The following SPECC1L variants were observed in gnomAD, a reference collection of about 807,000 sequenced individuals.
SPECC1L encodes sperm antigen with calponin homology and coiled-coil domains 1 like.
SPECC1L carries 40 observed loss-of-function variants against 116.8 expected under a neutral mutation model. The ratio of observed to expected loss-of-function variants is 0.34; its 90% CI spans 0.27 to 0.45. The LOEUF (loss-of-function observed/expected upper bound fraction) is 0.45, where lower values mean the gene tolerates loss of function less well. Among genes scored for constraint, SPECC1L ranks in the 20% least tolerant of loss-of-function variants. The probability of loss-of-function intolerance (pLI) is 1.00; values close to 1 mark genes in which losing one functional copy is unlikely to be tolerated. For missense variants in SPECC1L, 1,110 were observed against 1,373.6 expected (o/e 0.81, Z 3.03); for synonymous variants, 504 against 500.6 (o/e 1.01, Z -0.09).
At chr22:24,313,188 C>T (rs532019970) in intron 3 of SPECC1L, 125 bp from the exon 4 acceptor site, 3 of 895,032 alleles carry the variant, frequency 3.4e-6, no homozygotes, top group East Asian at 5.2e-5. Flanking sequence ...CTGCTTACTA[C>T]CTGTCAGATA....
At chr22:24,317,974 A>C (rs1237482216) in intron 4 of SPECC1L, among the ~76,000 whole-genome samples, 1 of 147,642 alleles carries the variant, frequency 6.8e-6, no homozygotes, top group South Asian at 2.2e-4. Flanking sequence ...GGCGGCCGGG[A>C]AGAGGCGCTC....
intron 14 of SPECC1L, among the ~76,000 whole-genome samples, chr22:24,404,154 C>T (rs2042536832): frequency 6.6e-6 from 1 of 152,210 alleles, no homozygotes; most frequent in Non-Finnish European, 1.5e-5. Flanking sequence ...CCCCAACCCC[C>T]AGCCCTTCCC....
At chr22:24,351,259 C>T (rs1219890438) in intron 11 of SPECC1L, among the ~76,000 whole-genome samples, 2 of 152,162 alleles carry the variant, frequency 1.3e-5, no homozygotes, top group Non-Finnish European at 2.9e-5. Context: ...TTGGATATGC[C>T]ATTTTCACAA....
chr22:24,281,442 A>G (rs758872047), intron 2 of SPECC1L, among the ~76,000 whole-genome samples: 1 of 152,218 alleles, frequency 6.6e-6, no homozygotes, highest in Non-Finnish European at 1.5e-5. Context: ...ACCCATGACC[A>G]TGGTATACTT....
chr22:24,305,109 A>C (rs976839608), intron 3 of SPECC1L, among the ~76,000 whole-genome samples: 1 of 152,248 alleles, frequency 6.6e-6, no homozygotes, highest in African/African-American at 2.4e-5. Flanking sequence ...AGAGCCTGCT[A>C]GTAGCTTAGG....
chr22:24,331,963 T>A (rs1328087155), intron 8 of SPECC1L, among the ~76,000 whole-genome samples: 1 of 152,200 alleles, frequency 6.6e-6, no homozygotes, highest in Non-Finnish European at 1.5e-5. Context: ...AAAAAGCACT[T>A]CTGCTTTATG....
chr22:24,364,859 G>A (rs1340790299), intron 12 of SPECC1L, among the ~76,000 whole-genome samples: 1 of 152,094 alleles, frequency 6.6e-6, no homozygotes. Context: ...AGTTATATTT[G>A]TAATTAAACA....
At chr22:24,399,734 CAG>C (rs1421964948) in intron 14 of SPECC1L, among the ~76,000 whole-genome samples, 1 of 152,162 alleles carries the variant, frequency 6.6e-6, no homozygotes, top group Admixed American at 6.5e-5. Flanking sequence ...GCTTCTCCCA[CAG>C]AATCAGGGAT....
At chr22:24,414,039 C>T (rs986285817) in intron 16 of SPECC1L, among the ~76,000 whole-genome samples, 2 of 152,208 alleles carry the variant, frequency 1.3e-5, no homozygotes, top group Non-Finnish European at 2.9e-5. Context: ...TCACCGGTCA[C>T]AGGTCACTGG....
At chr22:24,413,808 C>A (rs1359871783) in intron 16 of SPECC1L, among the ~76,000 whole-genome samples, 1 of 152,152 alleles carries the variant, frequency 6.6e-6, no homozygotes, top group African/African-American at 2.4e-5. Context: ...TCACCAAGGG[C>A]GCCCTCCTGA....
intron 14 of SPECC1L, among the ~76,000 whole-genome samples, chr22:24,375,979 CAAAA>C (rs908217455): frequency 8.7e-5 from 13 of 150,218 alleles, no homozygotes; most frequent in Non-Finnish European, 1.5e-4. Context: ...ACAAAAAAAA[CAAAA>C]AAAACCCACA....
chr22:24,356,883 T>G (rs972497159), intron 11 of SPECC1L, among the ~76,000 whole-genome samples: 6 of 152,084 alleles, frequency 3.9e-5, no homozygotes, highest in African/African-American at 1.4e-4. Context: ...GGCGTCCACA[T>G]AACTGTTGTG....
chr22:24,272,674 A>G (rs967689373), intron 1 of SPECC1L, among the ~76,000 whole-genome samples: 1 of 152,068 alleles, frequency 6.6e-6, no homozygotes, highest in Non-Finnish European at 1.5e-5. Flanking sequence ...CTCAAAAAAA[A>G]AAAAAAACAG....
intron 5 of SPECC1L, among the ~76,000 whole-genome samples, chr22:24,323,319 C>T (rs555640884): frequency 6.6e-6 from 1 of 152,210 alleles, no homozygotes; most frequent in Non-Finnish European, 1.5e-5. Flanking sequence ...TGCATGTTTC[C>T]TCTTATCTTG....
In SPECC1L at chr22:24,416,288, T is replaced by C. The variant is rs2042799686; in HGVS notation, c.*1665T>C. On this transcript the variant is annotated 3_prime_UTR_variant, in exon 17 of 17. Transcript: ENST00000314328. ...GCCTGGGAGCTCAGGCTGCTGCCGCTGGCTGGATGCCCTTTGGTGAAATGC... is the reference window on the plus strand; with the variant it reads ...GCCTGGGAGCTCAGGCTGCTGCCGCCGGCTGGATGCCCTTTGGTGAAATGC... 6.6e-6 allele frequency: 1 copy of C among 152,250 alleles called. No homozygotes were observed. Among genetic ancestry groups the C allele is most frequent in the East Asian group, 1.9e-4 (1 of 5,200 alleles). 9.4% of individuals were successfully genotyped at this position (152,250 alleles called of 1,614,324 possible). A position where few individuals can be genotyped will look rare whatever the true frequency, so the allele number is the denominator to read the frequency against.
chr22:24,296,139 G>A (rs1601511756), intron 2 of SPECC1L, among the ~76,000 whole-genome samples: 1 of 152,334 alleles, frequency 6.6e-6, no homozygotes, highest in East Asian at 1.9e-4. Flanking sequence ...AGTGGCAGAA[G>A]TGAAGTGAGG....
chr22:24,331,641 G>A (rs141701457), intron 8 of SPECC1L, among the ~76,000 whole-genome samples: 4 of 152,250 alleles, frequency 2.6e-5, no homozygotes, highest in Non-Finnish European at 4.4e-5. Flanking sequence ...AGATTCCTGG[G>A]TGTCCCTAAG....
At chr22:24,368,672 G>A (rs1234012091) in intron 13 of SPECC1L, among the ~76,000 whole-genome samples, 1 of 152,146 alleles carries the variant, frequency 6.6e-6, no homozygotes, top group Non-Finnish European at 1.5e-5. Context: ...ATTTGAGACA[G>A]TGCCACTCTT....
In SPECC1L at chr22:24,299,444, C is replaced by T. The variant is rs61302923; in HGVS notation, c.-37-2751C>T. The stretch of plus-strand genomic sequence containing the variant: ...AGAGTAAGACCCTGTCTCAAAAAAA[C>T]GGTGAACAGGGGGTATTTGGGTCTG... On this transcript the variant is annotated intron_variant, in intron 2 of 16. Coordinates refer to ENST00000314328, the MANE Select transcript of SPECC1L (RefSeq NM_015330.6). Among the ~76,000 whole-genome samples, 420 of 152,162 alleles carry T rather than the reference C, an allele frequency of 2.8e-3. 15 individuals are homozygous for T. In the East Asian group the frequency reaches 0.068, roughly 25 times the overall value.
Sources: gnomAD v4.1 joint callset for allele counts (sites outside exome capture counted in the v4.1 genomes callset) on GRCh38, gnomAD v4.1.1 for gene constraint, MANE v1.5 for transcripts, NCBI Gene and HGNC (gene_info 2026-07-23, HGNC 2026-07-21) for gene names.